WIF1: variants seen among roughly 807,000 people sequenced by gnomAD.
The protein encoded by WIF1 is Wnt inhibitory factor 1.
In WIF1, 35 loss-of-function variants were observed where a neutral mutation model predicts 53.5. The ratio of observed to expected loss-of-function variants is 0.65; its 90% CI spans 0.50 to 0.87. The LOEUF is 0.87. WIF1 is among the 40% of genes least tolerant of loss of function. The pLI, the probability that WIF1 is intolerant of heterozygous loss-of-function variation, is 0.00. For missense variants in WIF1, 467 were observed against 476.8 expected (o/e 0.98, Z 0.19); for synonymous variants, 171 against 170.4 (o/e 1.00, Z -0.03).
intron 2 of WIF1, among the ~76,000 whole-genome samples, chr12:65,097,491 A>G (rs1053079983): frequency 6.6e-6 from 1 of 152,182 alleles, no homozygotes; most frequent in Non-Finnish European, 1.5e-5. Context: ...TGGTGGACAC[A>G]CTGGGTGCTA....
In WIF1 at chr12:65,079,352, A is replaced by C. The variant is rs187761808; in HGVS notation, c.289-1498T>G. The stretch of plus-strand genomic sequence containing the variant: ...TGAATAGCCTTATGTCTGTTAAGGA[A>C]ATTATATTCAAAATTGTAAAACCCT... On this transcript the variant is annotated intron_variant, in intron 2 of 9. Coordinates refer to ENST00000286574, the MANE Select transcript of WIF1 (RefSeq NM_007191.5). Among the ~76,000 whole-genome samples the C allele has an allele frequency of 2.6e-5, 4 of 152,200 alleles. No individual in the cohort carries two copies. The East Asian group carries it at 7.7e-4, about 29-fold the overall frequency.
At chr12:65,100,401 T>C (rs949799592) in intron 2 of WIF1, among the ~76,000 whole-genome samples, 9 of 152,072 alleles carry the variant, frequency 5.9e-5, no homozygotes, top group African/African-American at 1.9e-4. Context: ...TGAACAAAAA[T>C]GTAGGCACAA....
At chr12:65,105,028 A>G (rs548274539) in intron 2 of WIF1, among the ~76,000 whole-genome samples, 19 of 152,272 alleles carry the variant, frequency 1.2e-4, no homozygotes, top group Middle Eastern at 3.4e-3. Flanking sequence ...CTGTGGTCTG[A>G]TTTCAAGTAA....
chr12:65,081,152 C>T (rs968210935), intron 2 of WIF1, among the ~76,000 whole-genome samples: 3 of 151,924 alleles, frequency 2.0e-5, no homozygotes, highest in African/African-American at 7.3e-5. Context: ...ATCATGTACC[C>T]TCCTTTCAGT....
chr12:65,076,420 C>T lies in WIF1; in HGVS notation c.397+1326G>A, dbSNP rs190531985. ...GGGATTACAGTAAGCCAAGCATTCT[C>T]CCTATTGCTTAACCAGGGTAAAAAT... On this transcript the variant is annotated intron_variant, in intron 3 of 9. Coordinates refer to ENST00000286574, the MANE Select transcript of WIF1 (RefSeq NM_007191.5). Among the ~76,000 whole-genome samples the T allele has an allele frequency of 1.5e-3, 233 of 152,266 alleles. 1 individual carries two copies. Among genetic ancestry groups the T allele is most frequent in the Admixed American group, 3.2e-3 (49 of 15,294 alleles).
intron 2 of WIF1, among the ~76,000 whole-genome samples, chr12:65,093,455 T>C (rs571079758): frequency 9.2e-5 from 14 of 152,326 alleles, no homozygotes; most frequent in South Asian, 4.1e-4. Context: ...TTTTTACTTA[T>C]ATTAAGTTAT....
intron 7 of WIF1, among the ~76,000 whole-genome samples, chr12:65,061,232 C>T (rs1882606371): frequency 6.6e-6 from 1 of 152,144 alleles, no homozygotes; most frequent in South Asian, 2.1e-4. Context: ...CATTAAAGTA[C>T]AAAAACCCAC....
intron 2 of WIF1, among the ~76,000 whole-genome samples, chr12:65,098,331 TCTTCACAAAGCC>T: frequency 6.6e-6 from 1 of 152,254 alleles, no homozygotes; most frequent in African/African-American, 2.4e-5. Context: ...AACAGGCCAG[TCTTCACAAAGCC>T]CTTCTAAGGG....
intron 7 of WIF1, among the ~76,000 whole-genome samples, chr12:65,057,235 G>A (rs1313859393): frequency 6.6e-6 from 1 of 152,144 alleles, no homozygotes; most frequent in African/African-American, 2.4e-5. Context: ...TGTGAGATGT[G>A]ACACAAAAGG....
intron 2 of WIF1, among the ~76,000 whole-genome samples, chr12:65,089,497 C>G (rs565473186): frequency 8.5e-5 from 13 of 152,248 alleles, no homozygotes; most frequent in African/African-American, 3.1e-4. Context: ...TATCACTGCT[C>G]CTACTTAACA....
At chr12:65,067,459 C>T (rs1882704354) in intron 5 of WIF1, among the ~76,000 whole-genome samples, 1 of 152,056 alleles carries the variant, frequency 6.6e-6, no homozygotes, top group Non-Finnish European at 1.5e-5. Context: ...AGGAAAAAAA[C>T]CTCAAAATTT....
chr12:65,100,619 T>C (rs901713479), intron 2 of WIF1, among the ~76,000 whole-genome samples: 3 of 152,206 alleles, frequency 2.0e-5, no homozygotes, highest in African/African-American at 7.2e-5. Context: ...CTCAGTCTTA[T>C]GGCAGTAATC....
intron 6 of WIF1, among the ~76,000 whole-genome samples, chr12:65,064,957 T>C (rs1882666426): frequency 1.3e-5 from 2 of 152,158 alleles, no homozygotes; most frequent in South Asian, 4.2e-4. Context: ...GCAATAAGAG[T>C]TTAATTCTCC....
chr12:65,066,810 AC>A (rs1882694468), intron 5 of WIF1, 74 bp from the exon 6 acceptor site: 2 of 1,023,094 alleles, frequency 2.0e-6, no homozygotes, highest in Non-Finnish European at 2.8e-6. Context: ...TGTCAATAAT[AC>A]AACAGGTCTA....
intron 2 of WIF1, among the ~76,000 whole-genome samples, chr12:65,084,263 T>C (rs1200663933): frequency 1.3e-5 from 2 of 152,228 alleles, no homozygotes; most frequent in Non-Finnish European, 2.9e-5. Flanking sequence ...GCCCTTCTCT[T>C]TAAAAGTGGC....
At chr12:65,084,819 G>C (rs1370748922) in intron 2 of WIF1, among the ~76,000 whole-genome samples, 1 of 152,108 alleles carries the variant, frequency 6.6e-6, no homozygotes, top group African/African-American at 2.4e-5. Flanking sequence ...CAGCTTTTCT[G>C]TTTGGCAATT....
At chr12:65,067,383 GCTA>G (rs943927499) in intron 5 of WIF1, among the ~76,000 whole-genome samples, 43 of 152,142 alleles carry the variant, frequency 2.8e-4, no homozygotes, top group African/African-American at 9.9e-4. Context: ...TGTGAATCAA[GCTA>G]CTTTCAACTG....
intron 6 of WIF1, among the ~76,000 whole-genome samples, chr12:65,063,376 C>G (rs574265219): frequency 3.9e-4 from 60 of 152,236 alleles, no homozygotes; most frequent in Non-Finnish European, 7.4e-4. Flanking sequence ...TAAAAATAGA[C>G]AAGTTGGCTC....
At chr12:65,083,946 C>G (rs1283052965) in intron 2 of WIF1, 3 of 272,754 alleles carry the variant, frequency 1.1e-5, no homozygotes, top group Non-Finnish European at 2.1e-5. Flanking sequence ...TCAAGCCATC[C>G]TCCCATCTCA....
Sources: gnomAD v4.1 joint callset for allele counts (sites outside exome capture counted in the v4.1 genomes callset) on GRCh38, gnomAD v4.1.1 for gene constraint, MANE v1.5 for transcripts, NCBI Gene and HGNC (gene_info 2026-07-23, HGNC 2026-07-21) for gene names.